LHFPL6: variants seen among roughly 807,000 people sequenced by gnomAD.
LHFPL6 encodes LHFPL tetraspan subfamily member 6.
Under a neutral mutation model 20.6 loss-of-function variants are expected in LHFPL6, and 9 were observed. The ratio of observed to expected loss-of-function variants is 0.44; its 90% confidence interval spans 0.26 to 0.76. LHFPL6 has a LOEUF of 0.76. Among genes scored for constraint, LHFPL6 ranks in the 30% least tolerant of loss-of-function variants. LHFPL6 has a pLI of 0.20. For synonymous variants in LHFPL6, 105 were observed against 98.7 expected (o/e 1.06, Z -0.38); for missense variants, 218 against 253.5 (o/e 0.86, Z 0.95).
At chr13:39,434,715 C>T (rs1012189035) in intron 2 of LHFPL6, among the ~76,000 whole-genome samples, 16 of 152,208 alleles carry the variant, frequency 1.1e-4, no homozygotes, top group South Asian at 4.1e-4. Context: ...TTCACCTCCA[C>T]GCTTGCAATA....
Position 39,449,449 on chromosome 13 carries a change from T to C in LHFPL6, c.386-70923A>G, listed in dbSNP as rs189612235. On this transcript the variant is annotated intron_variant, in intron 2 of 3. Coordinates refer to ENST00000379589, the MANE Select transcript of LHFPL6 (RefSeq NM_005780.3). Reference sequence around the variant, plus strand: ...AAAAGTAGTATTGATAGGAAAAGTATTTTCCAACATTGCAATTGTTATGAT... The same window carrying C: ...AAAAGTAGTATTGATAGGAAAAGTACTTTCCAACATTGCAATTGTTATGAT... 1.8e-3 allele frequency among the ~76,000 whole-genome samples: 280 copies of C among 152,346 alleles called. 1 individual carries two copies. The highest frequency in any genetic ancestry group is 6.2e-3 in the African/African-American group (256 of 41,576).
intron 2 of LHFPL6, among the ~76,000 whole-genome samples, chr13:39,458,883 C>A (rs547036178): frequency 3.3e-5 from 5 of 151,938 alleles, no homozygotes. Context: ...AAGGAAATAC[C>A]GAAGAAATAA....
rs141747285 is a variant in LHFPL6 at position 39,442,216 on chromosome 13, T to C, written c.386-63690A>G. Among the ~76,000 whole-genome samples, 342 of 152,310 alleles carry C rather than the reference T, an allele frequency of 2.2e-3. 6 individuals carry two copies. In the South Asian group the frequency reaches 0.037, roughly 17 times the overall value. On this transcript the variant is annotated intron_variant, in intron 2 of 3. Coordinates refer to ENST00000379589, the MANE Select transcript of LHFPL6 (RefSeq NM_005780.3). ...TGAGTTTAAAAAAAAAATTAGGTAG[T>C]TGAAAAATCTGAATATGTCAATAAG...
At chr13:39,407,568 G>GA (rs1871144696) in intron 2 of LHFPL6, among the ~76,000 whole-genome samples, 1 of 152,142 alleles carries the variant, frequency 6.6e-6, no homozygotes. Flanking sequence ...ATTTGCTAAG[G>GA]AAAATGACTT....
chr13:39,558,828 A>G (rs1255487992), intron 2 of LHFPL6, among the ~76,000 whole-genome samples: 5 of 152,228 alleles, frequency 3.3e-5, no homozygotes, highest in Non-Finnish European at 5.9e-5. Flanking sequence ...ATGCTTTCCA[A>G]TCTTTAAATA....
chr13:39,492,095 C>T (rs569790017), intron 2 of LHFPL6, among the ~76,000 whole-genome samples: 3 of 152,120 alleles, frequency 2.0e-5, no homozygotes, highest in African/African-American at 7.2e-5. Context: ...CAGTGCCAAG[C>T]GCTATAAGTA....
chr13:39,496,476 A>G (rs553536458), intron 2 of LHFPL6, among the ~76,000 whole-genome samples: 40 of 152,306 alleles, frequency 2.6e-4, no homozygotes, highest in South Asian at 1.7e-3. Context: ...CTAGTTTTAT[A>G]AAATGTGATG....
intron 2 of LHFPL6, among the ~76,000 whole-genome samples, chr13:39,433,698 A>G (rs1871875555): frequency 6.6e-6 from 1 of 152,230 alleles, no homozygotes; most frequent in Non-Finnish European, 1.5e-5. Context: ...GTATAAATTG[A>G]GTGACCTCAG....
At chr13:39,402,867 A>T (rs965859258) in intron 2 of LHFPL6, among the ~76,000 whole-genome samples, 4 of 152,232 alleles carry the variant, frequency 2.6e-5, no homozygotes, top group Non-Finnish European at 4.4e-5. Context: ...CACAGATTTT[A>T]AAATCCCTGC....
At chr13:39,581,366 T>G (rs1489730415) in intron 2 of LHFPL6, among the ~76,000 whole-genome samples, 3 of 152,094 alleles carry the variant, frequency 2.0e-5, no homozygotes, top group Non-Finnish European at 4.4e-5. Context: ...GCTGTGTAAT[T>G]TAATGAAACC....
rs1423258760 is a variant in LHFPL6 at position 39,371,802 on chromosome 13, C to T, written c.484+6626G>A. ...AAGCTGAACCATAAGAAGCACGTGG[C>T]ATTCCCTGGCAGCCATTATCCCTTT... On this transcript the variant is annotated intron_variant, in intron 3 of 3. Coordinates refer to ENST00000379589, the MANE Select transcript of LHFPL6 (RefSeq NM_005780.3). Among the ~76,000 whole-genome samples the T allele has an allele frequency of 3.3e-5, 5 of 152,334 alleles. No homozygotes were observed. In the East Asian group the frequency reaches 9.6e-4, roughly 29 times the overall value.
At chr13:39,553,337 T>C (rs184603501) in intron 2 of LHFPL6, among the ~76,000 whole-genome samples, 10 of 152,300 alleles carry the variant, frequency 6.6e-5, no homozygotes, top group African/African-American at 2.4e-4. Context: ...CCCCATGAAT[T>C]TGGACAGGCT....
At chr13:39,483,319 T>G (rs539023121) in intron 2 of LHFPL6, among the ~76,000 whole-genome samples, 2 of 152,184 alleles carry the variant, frequency 1.3e-5, no homozygotes, top group Non-Finnish European at 2.9e-5. Context: ...CTAAGGCTTG[T>G]GCTTGGAGCA....
At position 39,431,808 on chromosome 13, in the gene LHFPL6, C is replaced by T. The variant is rs376745077; in HGVS notation, c.386-53282G>A. On this transcript the variant is annotated intron_variant, in intron 2 of 3. Transcript: ENST00000379589. ...AAAAATATTTAACCATTTCTCACCA[C>T]CCAGCTATCACTCCAGCCCAAGTCA... is the stretch of plus-strand genomic sequence containing the variant. Among the ~76,000 whole-genome samples, 19 of 151,896 alleles carry T rather than the reference C, an allele frequency of 1.3e-4. No individual in the cohort carries two copies. In the East Asian group the frequency reaches 1.6e-3, roughly 12 times the overall value.
intron 2 of LHFPL6, among the ~76,000 whole-genome samples, chr13:39,570,606 A>G (rs188041091): frequency 3.0e-4 from 46 of 151,324 alleles, no homozygotes; most frequent in Middle Eastern, 3.5e-3. Context: ...AGAATGATAT[A>G]TAGAATGATA....
intron 3 of LHFPL6, among the ~76,000 whole-genome samples, chr13:39,375,702 A>T (rs1313534587): frequency 6.9e-6 from 1 of 144,508 alleles, no homozygotes; most frequent in Non-Finnish European, 1.5e-5. Flanking sequence ...AAAAAAAAAA[A>T]GGAAAGTGAA....
chr13:39,474,694 A>C (rs1873036232), intron 2 of LHFPL6, among the ~76,000 whole-genome samples: 1 of 151,460 alleles, frequency 6.6e-6, no homozygotes, highest in East Asian at 1.9e-4. Context: ...TTTTTTTTTT[A>C]ATAAGGCCTT....
At chr13:39,551,098 T>C (rs2138511934) in intron 2 of LHFPL6, among the ~76,000 whole-genome samples, 1 of 152,286 alleles carries the variant, frequency 6.6e-6, no homozygotes, top group Middle Eastern at 3.4e-3. Context: ...CAACTGACCC[T>C]GATTAATGCA....
Position 39,577,049 on chromosome 13 carries a change from G to A in LHFPL6, c.385+23783C>T, listed in dbSNP as rs148255618. 2.4e-3 allele frequency among the ~76,000 whole-genome samples: 365 copies of A among 152,130 alleles called. 5 individuals carry two copies. The highest frequency in any genetic ancestry group is 8.2e-3 in the African/African-American group (341 of 41,516). On this transcript the variant is annotated intron_variant, in intron 2 of 3. Transcript: ENST00000379589. The stretch of plus-strand genomic sequence containing the variant: ...CTACTGTGTGCTAAAGATGCAAAAC[G>A]CTCCAATAAGACAGATAAACTCACG...
Sources: gnomAD v4.1 joint callset for allele counts (sites outside exome capture counted in the v4.1 genomes callset) on GRCh38, gnomAD v4.1.1 for gene constraint, MANE v1.5 for transcripts, NCBI Gene and HGNC (gene_info 2026-07-23, HGNC 2026-07-21) for gene names.